The following FAM81A variants were observed in gnomAD, a reference collection of about 807,000 sequenced individuals.
The protein encoded by FAM81A is family with sequence similarity 81 member A.
FAM81A carries 19 observed loss-of-function variants against 46.7 expected under a neutral mutation model. The observed-to-expected ratio is 0.41, with a 90% CI of 0.28 to 0.60. The LOEUF (loss-of-function observed/expected upper bound fraction) is 0.60, where lower values mean the gene tolerates loss of function less well. Among genes scored for constraint, FAM81A ranks in the 20% least tolerant of loss-of-function variants. FAM81A has a pLI of 0.34. For missense variants in FAM81A, 377 were observed against 453.5 expected (o/e 0.83, Z 1.53); for synonymous variants, 183 against 152.9 (o/e 1.20, Z -1.45).
At chr15:59,486,431 G>T in intron 3 of FAM81A, among the ~76,000 whole-genome samples, 1 of 151,974 alleles carries the variant, frequency 6.6e-6, no homozygotes, top group Non-Finnish European at 1.5e-5. Context: ...AAAGTTATTG[G>T]TTTTTAAGAG....
intron 2 of FAM81A, among the ~76,000 whole-genome samples, chr15:59,432,932 G>A (rs74610596): frequency 0.19 from 26,932 of 143,678 alleles, 2,835 homozygotes; most frequent in South Asian, 0.28. Context: ...TCAGGAGATC[G>A]AGACCATCCT....
intron 1 of FAM81A, among the ~76,000 whole-genome samples, chr15:59,442,297 A>G (rs545054192): frequency 6.6e-6 from 1 of 152,284 alleles, no homozygotes; most frequent in East Asian, 1.9e-4. Flanking sequence ...TTTTACTTTG[A>G]ATAATTCAAA....
At position 59,516,695 on chromosome 15, in the gene FAM81A, G is replaced by T; in HGVS notation, c.837G>T (p.Arg279Ser). 6.2e-7 allele frequency: 1 copy of T among 1,613,662 alleles called. No individual in the cohort carries two copies. The highest frequency in any genetic ancestry group is 8.5e-7 in the Non-Finnish European group (1 of 1,179,756). The change falls in exon 8 of 9, where the codon AGG becomes AGT. Residue 279 changes from arginine (R) to serine (S), a missense_variant. Arg to Ser is a moderately radical substitution (Grantham distance 110). Coordinates refer to ENST00000288228, the MANE Select transcript of FAM81A (RefSeq NM_152450.3). ...AGAAGCTCAGCCAGATGTCAGCCAG[G>T]CTTGACAAAATAGAAGAGGGTCAAA... ...MEKKLSQMSA[R>S]LDKIEEGQKK...
intron 4 of FAM81A, among the ~76,000 whole-genome samples, chr15:59,493,126 G>A (rs2081998636): frequency 6.6e-6 from 1 of 152,308 alleles, no homozygotes; most frequent in African/African-American, 2.4e-5. Flanking sequence ...GGAGCAAATG[G>A]CACTTCCCGT....
intron 1 of FAM81A, among the ~76,000 whole-genome samples, chr15:59,457,634 G>T (rs2081500771): frequency 6.6e-6 from 1 of 152,110 alleles, no homozygotes. Flanking sequence ...AGCTTGTTTG[G>T]CATGAATGAC....
chr15:59,447,199 TGTA>T lies in FAM81A; in HGVS notation c.-78+8919_-78+8921del, dbSNP rs552090855. ...CTTGCCTCACCCTCTCCAAGATGGT[TGTA>T]GGATTTCTGGGTTGCTGAGGTAATG... On this transcript the variant is annotated intron_variant, in intron 1 of 8. Coordinates refer to ENST00000288228, the MANE Select transcript of FAM81A (RefSeq NM_152450.3). 7.9e-5 allele frequency among the ~76,000 whole-genome samples: 12 copies of T among 152,338 alleles called. No individual in the cohort carries two copies. In the East Asian group the frequency reaches 2.1e-3, roughly 27 times the overall value.
chr15:59,460,225 A>G lies in FAM81A; in HGVS notation c.294+19A>G, dbSNP rs2081535176. On this transcript the variant is annotated intron_variant, in intron 3 of 8. Transcript: ENST00000288228. This position sits in a 1 kb window ranked among gnomAD's most constrained non-coding sequence, Gnocchi z 4.4. Reference sequence around the variant, plus strand: ...TATCGAGGTAAGGTTTGTGAAAGTCAGGTGGCCTATGTCCCTTTCCACAGA... The same window carrying G: ...TATCGAGGTAAGGTTTGTGAAAGTCGGGTGGCCTATGTCCCTTTCCACAGA... 4.3e-6 allele frequency: 7 copies of G among 1,614,030 alleles called. No homozygotes were observed. The highest frequency in any genetic ancestry group is 1.7e-5 in the Admixed American group (1 of 60,026).
At chr15:59,443,705 C>A (rs2081325118) in intron 1 of FAM81A, among the ~76,000 whole-genome samples, 1 of 152,134 alleles carries the variant, frequency 6.6e-6, no homozygotes, top group Admixed American at 6.5e-5. Flanking sequence ...TCCTTGCACT[C>A]CCACATCCAG....
In FAM81A at chr15:59,521,802, G is replaced by A. The variant is rs1008700726; in HGVS notation, c.*424G>A. On this transcript the variant is annotated 3_prime_UTR_variant, in exon 9 of 9. Transcript: ENST00000288228. ...TGTGTTGCTCCTCACCCTAAATTAAGAGAATGTCCCAGTAGATTAGACTTC... is the reference window on the plus strand; with the variant it reads ...TGTGTTGCTCCTCACCCTAAATTAAAAGAATGTCCCAGTAGATTAGACTTC... The A allele has an allele frequency of 1.3e-5, 2 of 152,934 alleles. No homozygotes were observed. The highest frequency in any genetic ancestry group is 2.1e-4 in the South Asian group (1 of 4,856). The allele number at this position is 152,934 out of a possible 1,614,324, so 9.5% of individuals were successfully genotyped here. A position where few individuals can be genotyped will look rare whatever the true frequency, so the allele number is the denominator to read the frequency against.
rs759902589 is a variant in FAM81A at position 59,492,342 on chromosome 15, G to A, written c.366G>A (p.Glu122=). 6 of 1,613,768 alleles carry A rather than the reference G, an allele frequency of 3.7e-6. No homozygotes were observed. The Admixed American group carries it at 6.7e-5, about 18-fold the overall frequency. The change falls in exon 4 of 9, where the codon GAG becomes GAA. Residue 122 remains glutamate, a synonymous_variant. Coordinates refer to ENST00000288228, the MANE Select transcript of FAM81A (RefSeq NM_152450.3). ...YGTNSALKTL[E]MRQLSGLGDL... The stretch of plus-strand genomic sequence containing the variant: ...CTAATTCTGCCTTAAAGACCCTGGA[G>A]ATGCGCCAGCTCTCCGGTTTGGGAG...
chr15:59,404,733 A>G (rs1259937358), intron 2 of FAM81A, among the ~76,000 whole-genome samples: 1 of 152,238 alleles, frequency 6.6e-6, no homozygotes, highest in African/African-American at 2.4e-5. Flanking sequence ...CTGGAATTGT[A>G]GGCATTAGCC....
chr15:59,419,698 AC>A (rs1211090947), intron 2 of FAM81A, among the ~76,000 whole-genome samples: 1 of 152,040 alleles, frequency 6.6e-6, no homozygotes, highest in African/African-American at 2.4e-5. Context: ...ACATGGTGAA[AC>A]CCTGTCTCTA....
intron 1 of FAM81A, among the ~76,000 whole-genome samples, chr15:59,439,425 T>G (rs7177934): frequency 0.36 from 55,051 of 151,446 alleles, 10,540 homozygotes; most frequent in Middle Eastern, 0.46. Context: ...GGCGGGTTCC[T>G]TGGCACTTAT....
chr15:59,409,253 C>T (rs905975788), intron 2 of FAM81A, among the ~76,000 whole-genome samples: 25 of 152,164 alleles, frequency 1.6e-4, no homozygotes, highest in Admixed American at 9.2e-4. Flanking sequence ...GGCTCTCACT[C>T]TCCTGCCTCC....
chr15:59,406,066 C>T (rs779000668), intron 2 of FAM81A, among the ~76,000 whole-genome samples: 19 of 152,074 alleles, frequency 1.2e-4, no homozygotes, highest in Non-Finnish European at 2.1e-4. Context: ...CCCCTGGAAA[C>T]GAAGACTGGA....
At chr15:59,401,872 G>C (rs1196047107) in intron 1 of FAM81A, 14 of 762,234 alleles carry the variant, frequency 1.8e-5, no homozygotes, top group Admixed American at 1.8e-4. Flanking sequence ...TTAGCCTTGA[G>C]ACCAATCATT....
intron 4 of FAM81A, among the ~76,000 whole-genome samples, chr15:59,506,951 A>G (rs1424921786): frequency 2.6e-5 from 4 of 152,200 alleles, no homozygotes; most frequent in Non-Finnish European, 2.9e-5. Flanking sequence ...CTCGCTGCAC[A>G]TACAGTGTTG....
At chr15:59,468,912 T>C (rs2081650254) in intron 3 of FAM81A, among the ~76,000 whole-genome samples, 1 of 152,242 alleles carries the variant, frequency 6.6e-6, no homozygotes, top group Admixed American at 6.5e-5. Context: ...TGGTACGTTG[T>C]GTCTTTGTTC....
chr15:59,429,546 C>G (rs1472092623), intron 2 of FAM81A, among the ~76,000 whole-genome samples: 1 of 152,166 alleles, frequency 6.6e-6, no homozygotes, highest in Non-Finnish European at 1.5e-5. Flanking sequence ...ACATATACCA[C>G]TATTATCTCC....
Sources: gnomAD v4.1 joint callset for allele counts (sites outside exome capture counted in the v4.1 genomes callset) on GRCh38, gnomAD v4.1.1 for gene constraint, Gnocchi (gnomAD v3.1) non-coding constraint, MANE v1.5 for transcripts, NCBI Gene and HGNC (gene_info 2026-07-23, HGNC 2026-07-21) for gene names.